MYRIP: variants seen among roughly 807,000 people sequenced by gnomAD.
The protein encoded by MYRIP is myosin VIIA and Rab interacting protein.
In MYRIP, 49 loss-of-function variants were observed where a neutral mutation model predicts 98.0. That is an observed-to-expected ratio of 0.50 (90% confidence interval 0.40 to 0.63). The LOEUF (loss-of-function observed/expected upper bound fraction) is 0.63, where lower values mean the gene tolerates loss of function less well. MYRIP is among the 30% of genes least tolerant of loss of function. The probability of loss-of-function intolerance (pLI) is 0.00; values close to 1 mark genes in which losing one functional copy is unlikely to be tolerated. For missense variants in MYRIP, 1,004 were observed against 1,058.2 expected (o/e 0.95, Z 0.71); for synonymous variants, 404 against 409.5 (o/e 0.99, Z 0.16).
At chr3:39,880,313 A>T (rs1188665978) in intron 1 of MYRIP, among the ~76,000 whole-genome samples, 2 of 152,210 alleles carry the variant, frequency 1.3e-5, no homozygotes, top group Non-Finnish European at 2.9e-5. Flanking sequence ...TGTTATCTGC[A>T]GAAGGGCTAA....
chr3:40,035,587 G>C (rs551859853), intron 2 of MYRIP, among the ~76,000 whole-genome samples: 1 of 152,028 alleles, frequency 6.6e-6, no homozygotes, highest in South Asian at 2.1e-4. Context: ...GGGCGTAAAA[G>C]AAGTATATTT....
intron 3 of MYRIP, among the ~76,000 whole-genome samples, chr3:40,127,779 C>T (rs1418914902): frequency 6.6e-6 from 1 of 152,178 alleles, no homozygotes. Flanking sequence ...AGCGTATTTC[C>T]TGTCTCTCTG....
chr3:39,906,514 A>G (rs1943882512), intron 2 of MYRIP, among the ~76,000 whole-genome samples: 1 of 152,336 alleles, frequency 6.6e-6, no homozygotes, highest in East Asian at 1.9e-4. Flanking sequence ...AATTAGCATA[A>G]CAACACAGTA....
chr3:40,051,524 G>A (rs1947793662), intron 3 of MYRIP, among the ~76,000 whole-genome samples: 1 of 151,998 alleles, frequency 6.6e-6, no homozygotes, highest in Non-Finnish European at 1.5e-5. Context: ...ATATGCACTG[G>A]GAAACAAAAA....
intron 2 of MYRIP, among the ~76,000 whole-genome samples, chr3:39,969,163 G>A (rs902388830): frequency 1.3e-5 from 2 of 152,086 alleles, no homozygotes; most frequent in Non-Finnish European, 2.9e-5. Flanking sequence ...AGTGATTTTT[G>A]TACATCGATT....
intron 2 of MYRIP, among the ~76,000 whole-genome samples, chr3:39,977,610 T>C (rs764463057): frequency 3.9e-5 from 6 of 152,138 alleles, no homozygotes; most frequent in Non-Finnish European, 8.8e-5. Context: ...TTAAAGACAA[T>C]TAGGTGGAAA....
intron 1 of MYRIP, among the ~76,000 whole-genome samples, chr3:39,882,804 T>C (rs1485864865): frequency 6.6e-6 from 1 of 152,114 alleles, no homozygotes; most frequent in African/African-American, 2.4e-5. Context: ...GAATTAGGAA[T>C]ACAGGGTTGG....
At chr3:40,104,900 G>T (rs1273388181) in intron 3 of MYRIP, among the ~76,000 whole-genome samples, 1 of 152,076 alleles carries the variant, frequency 6.6e-6, no homozygotes, top group Admixed American at 6.6e-5. Context: ...GTCAAGACTT[G>T]TTCTAAAAAG....
At chr3:40,185,199 A>G (rs1490253386) in intron 9 of MYRIP, among the ~76,000 whole-genome samples, 1 of 152,186 alleles carries the variant, frequency 6.6e-6, no homozygotes, top group African/African-American at 2.4e-5. Context: ...CTGTTCGTGC[A>G]CAGTTGGGGT....
intron 3 of MYRIP, among the ~76,000 whole-genome samples, chr3:40,089,243 T>C (rs1052007504): frequency 6.6e-6 from 1 of 152,184 alleles, no homozygotes; most frequent in Non-Finnish European, 1.5e-5. Flanking sequence ...GCCAACTTAA[T>C]CCAAAACTGG....
intron 2 of MYRIP, among the ~76,000 whole-genome samples, chr3:39,954,305 C>T (rs192251257): frequency 4.1e-4 from 62 of 152,126 alleles, no homozygotes; most frequent in African/African-American, 1.3e-3. Flanking sequence ...GGTGCCCCTC[C>T]GAGATGAAGC....
intron 3 of MYRIP, among the ~76,000 whole-genome samples, chr3:40,133,775 G>A (rs137893602): frequency 5.9e-5 from 9 of 152,270 alleles, no homozygotes; most frequent in Non-Finnish European, 1.0e-4. Context: ...TTGTTTGGTC[G>A]TACTGTGGAA....
At chr3:40,121,244 C>T (rs1419371908) in intron 3 of MYRIP, among the ~76,000 whole-genome samples, 1 of 152,108 alleles carries the variant, frequency 6.6e-6, no homozygotes, top group African/African-American at 2.4e-5. Context: ...CCTCACACAC[C>T]CACCTCCAGA....
intron 2 of MYRIP, among the ~76,000 whole-genome samples, chr3:39,950,206 C>G (rs954428044): frequency 1.3e-5 from 2 of 152,120 alleles, no homozygotes; most frequent in Non-Finnish European, 2.9e-5. Flanking sequence ...GAGCACAGTA[C>G]TTTGCACATG....
At chr3:39,847,169 A>G in intron 1 of MYRIP, among the ~76,000 whole-genome samples, 1 of 152,192 alleles carries the variant, frequency 6.6e-6, no homozygotes, top group Non-Finnish European at 1.5e-5. Context: ...TAATCTCCAA[A>G]TAAAGACAAT....
chr3:40,009,474 G>T (rs1461291934), intron 2 of MYRIP, among the ~76,000 whole-genome samples: 1 of 152,096 alleles, frequency 6.6e-6, no homozygotes, highest in Non-Finnish European at 1.5e-5. Context: ...CTGACCTCAT[G>T]ATCCGCCCGC....
chr3:40,090,976 G>A (rs1233296611), intron 3 of MYRIP, among the ~76,000 whole-genome samples: 1 of 152,164 alleles, frequency 6.6e-6, no homozygotes, highest in East Asian at 1.9e-4. Context: ...GTGGACTTCA[G>A]GAGGTCCATA....
At chr3:40,190,616 A>G (rs1283826583) in intron 10 of MYRIP, among the ~76,000 whole-genome samples, 153 bp downstream of exon 10, 2 of 152,138 alleles carry the variant, frequency 1.3e-5, no homozygotes, top group Non-Finnish European at 2.9e-5. Flanking sequence ...GCCTCTAGAC[A>G]GGTCACATCA....
chr3:39,935,243 A>T (rs993065253), intron 2 of MYRIP, among the ~76,000 whole-genome samples: 1 of 152,148 alleles, frequency 6.6e-6, no homozygotes, highest in Admixed American at 6.6e-5. Flanking sequence ...TGGGACTGGA[A>T]AGTCTCAAGT....
Sources: allele counts gnomAD v4.1 joint callset (sites outside exome capture counted in the v4.1 genomes callset), GRCh38; gene constraint gnomAD v4.1.1; transcripts MANE v1.5; gene names NCBI Gene and HGNC (gene_info 2026-07-23, HGNC 2026-07-21).